The following ISY1 variants were observed in gnomAD, a reference collection of about 807,000 sequenced individuals.
ISY1 encodes the protein pre-mRNA-splicing factor ISY1 homolog.
Under a neutral mutation model 54.4 loss-of-function variants are expected in ISY1, and 12 were observed. The ratio of observed to expected loss-of-function variants is 0.22; its 90% confidence interval spans 0.14 to 0.36. The LOEUF is 0.36. ISY1 is among the 10% of genes least tolerant of loss of function. The pLI, the probability that ISY1 is intolerant of heterozygous loss-of-function variation, is 1.00. For synonymous variants in ISY1, 96 were observed against 117.9 expected, an observed-to-expected ratio of 0.81 and a Z score of 1.20; for missense variants, 282 against 342.2, an observed-to-expected ratio of 0.82 and a Z score of 1.39.
At chr3:129,145,935 G>A (rs570278177) in intron 5 of ISY1, 62 bp from the exon 6 acceptor site, 41 of 1,478,854 alleles carry the variant, frequency 2.8e-5, no homozygotes, top group African/African-American at 5.5e-5. Context: ...CCTCTAACAC[G>A]TACACTTAGT....
intron 9 of ISY1, among the ~76,000 whole-genome samples, chr3:129,132,981 A>G (rs1456893126): frequency 1.3e-5 from 2 of 152,152 alleles, no homozygotes; most frequent in Non-Finnish European, 2.9e-5. Context: ...AACCTGAGCC[A>G]TCATCCATGT....
intron 7 of ISY1, among the ~76,000 whole-genome samples, chr3:129,136,838 T>A (rs554859963): frequency 7.1e-6 from 1 of 140,926 alleles, no homozygotes; most frequent in Non-Finnish European, 1.5e-5. Context: ...TATAGGCACC[T>A]GCCACCATGC....
chr3:129,137,737 C>T (rs532225742), intron 7 of ISY1, among the ~76,000 whole-genome samples: 45 of 151,132 alleles, frequency 3.0e-4, no homozygotes, highest in African/African-American at 1.0e-3. Context: ...GGTGAAACCC[C>T]GTCTCTACTA....
In ISY1 at chr3:129,160,997, C is replaced by G; in HGVS notation, c.-22G>C. Reference sequence around the variant, plus strand: ...CCATGGTGTCGCTAAGGGCGCCGTCCTGGAGCCCCGCGGCCCCTGTCCAAG... The same window carrying G: ...CCATGGTGTCGCTAAGGGCGCCGTCGTGGAGCCCCGCGGCCCCTGTCCAAG... On this transcript the variant is annotated 5_prime_UTR_variant, in exon 1 of 11. Transcript: ENST00000393295. 4 of 1,524,888 alleles carry G rather than the reference C, an allele frequency of 2.6e-6. No homozygotes were observed. The highest frequency in any genetic ancestry group is 3.5e-6 in the Non-Finnish European group (4 of 1,131,656). 94.5% of individuals were successfully genotyped at this position (1,524,888 alleles called of 1,614,324 possible).
chr3:129,160,918 G>GCCCCCA, intron 1 of ISY1, 55 bp downstream of exon 1: 2 of 666,126 alleles, frequency 3.0e-6, no homozygotes, highest in Non-Finnish European at 5.5e-6. Flanking sequence ...TGGACTGGGC[G>GCCCCCA]CCCCCCCGCC....
Position 129,155,082 on chromosome 3 carries a change from T to G in ISY1, c.187+1551A>C, listed in dbSNP as rs538474469. ...TGATTTCTTATCTTTACTATTTCCT[T>G]CCTTCTGCTTGCTTTGGGTTTAATT... On this transcript the variant is annotated intron_variant, in intron 5 of 10. Coordinates refer to ENST00000393295, the MANE Select transcript of ISY1 (RefSeq NM_020701.4). 3.3e-5 allele frequency among the ~76,000 whole-genome samples: 5 copies of G among 152,004 alleles called. No homozygotes were observed. The South Asian group carries it at 1.0e-3, about 31-fold the overall frequency.
intron 1 of ISY1, among the ~76,000 whole-genome samples, chr3:129,159,989 T>A (rs1311288224): frequency 6.6e-6 from 1 of 152,184 alleles, no homozygotes; most frequent in Admixed American, 6.5e-5. Flanking sequence ...AACACCGCAG[T>A]AATTTGGGAT....
At chr3:129,144,198 G>T (rs1338937590) in intron 6 of ISY1, 1 of 422,412 alleles carries the variant, frequency 2.4e-6, no homozygotes, top group Non-Finnish European at 4.8e-6. Flanking sequence ...TACTAAAATC[G>T]GAATGATACA....
intron 5 of ISY1, among the ~76,000 whole-genome samples, chr3:129,156,016 C>T (rs1937124574): frequency 6.6e-6 from 1 of 152,052 alleles, no homozygotes. Flanking sequence ...CTACTGCGCC[C>T]GGCCTCAAAT....
chr3:129,137,430 T>A (rs1280782311), intron 7 of ISY1, among the ~76,000 whole-genome samples: 3 of 152,032 alleles, frequency 2.0e-5, no homozygotes, highest in African/African-American at 7.3e-5. Context: ...AACCCAAAAC[T>A]CTATCACTGG....
At chr3:129,152,430 G>T (rs1937002103) in intron 5 of ISY1, among the ~76,000 whole-genome samples, 1 of 151,298 alleles carries the variant, frequency 6.6e-6, no homozygotes, top group Non-Finnish European at 1.5e-5. Flanking sequence ...TTGAGACGGA[G>T]TCTCGCTCTG....
At chr3:129,134,275 T>C in intron 8 of ISY1, 80 bp from the exon 9 acceptor site, 5 of 1,595,662 alleles carry the variant, frequency 3.1e-6, no homozygotes, top group South Asian at 1.1e-5. Context: ...GCCAACACTA[T>C]GCAGGGAAAG....
chr3:129,142,687 A>C (rs1037161245), intron 6 of ISY1, among the ~76,000 whole-genome samples: 2 of 152,242 alleles, frequency 1.3e-5, no homozygotes, highest in Admixed American at 6.5e-5. Context: ...AGGCAGGATG[A>C]CTGATTGACT....
At chr3:129,137,203 A>C (rs1936434764) in intron 7 of ISY1, 2 of 980,116 alleles carry the variant, frequency 2.0e-6, no homozygotes, top group African/African-American at 3.5e-5. Context: ...TGGCCTAAAA[A>C]AATAAAAAAA....
At chr3:129,154,293 T>C (rs1220005211) in intron 5 of ISY1, among the ~76,000 whole-genome samples, 1 of 144,386 alleles carries the variant, frequency 6.9e-6, no homozygotes, top group Non-Finnish European at 1.5e-5. Flanking sequence ...AGGGTGCCTG[T>C]AATCCCAGCT....
At chr3:129,130,490 C>A in intron 10 of ISY1, 60 bp downstream of exon 10, 1 of 1,596,938 alleles carries the variant, frequency 6.3e-7, no homozygotes. Context: ...CTACAGTGCT[C>A]TGTGAAGTCT....
chr3:129,130,341 T>C (rs1936201459), intron 10 of ISY1, among the ~76,000 whole-genome samples, 153 bp from the exon 11 acceptor site: 1 of 152,134 alleles, frequency 6.6e-6, no homozygotes, highest in African/African-American at 2.4e-5. Flanking sequence ...TCCCTCCCAT[T>C]GGAAACATTT....
Position 129,127,877 on chromosome 3 carries a change from G to T in ISY1, c.*2204C>A, listed in dbSNP as rs1282877340. The T allele has an allele frequency of 6.6e-6, 1 of 152,260 alleles. No homozygotes were observed. The highest frequency in any genetic ancestry group is 1.5e-5 in the Non-Finnish European group (1 of 68,072). 9.4% of individuals were successfully genotyped at this position (152,260 alleles called of 1,614,324 possible). A position where few individuals can be genotyped will look rare whatever the true frequency, so the allele number is the denominator to read the frequency against. Reference sequence around the variant, plus strand: ...GCCATCCTTCCCAGGGAGAAGGAAGGCCTGATGTCTGGATTCCCCATTCTC... The same window carrying T: ...GCCATCCTTCCCAGGGAGAAGGAAGTCCTGATGTCTGGATTCCCCATTCTC... On this transcript the variant is annotated 3_prime_UTR_variant, in exon 11 of 11. Transcript: ENST00000393295.
At chr3:129,152,796 T>C (rs1408091910) in intron 5 of ISY1, among the ~76,000 whole-genome samples, 2 of 152,204 alleles carry the variant, frequency 1.3e-5, no homozygotes, top group Admixed American at 6.6e-5. Flanking sequence ...TCTCATAATA[T>C]CTTTTTCTGA....
Sources: allele counts gnomAD v4.1 joint callset (sites outside exome capture counted in the v4.1 genomes callset), GRCh38; gene constraint gnomAD v4.1.1; transcripts MANE v1.5; gene names NCBI Gene and HGNC (gene_info 2026-07-23, HGNC 2026-07-21).